NAV3: variants seen among roughly 807,000 people sequenced by gnomAD.
NAV3 encodes the protein neuron navigator 3.
In NAV3, 87 loss-of-function variants were observed where a neutral mutation model predicts 244.7. The ratio of observed to expected loss-of-function variants is 0.36; its 90% CI spans 0.30 to 0.42. The LOEUF (loss-of-function observed/expected upper bound fraction) is 0.42. Ranked by LOEUF, NAV3 falls within the 20% of genes least tolerant of loss-of-function variation. The pLI is 1.00. For missense variants in NAV3, 2,663 were observed against 2,893.3 expected (o/e 0.92, Z 1.83); for synonymous variants, 1,126 against 1,042.2 (o/e 1.08, Z -1.55).
chr12:78,196,301 C>T (rs1223870531), intron 34 of NAV3, among the ~76,000 whole-genome samples: 1 of 151,924 alleles, frequency 6.6e-6, no homozygotes, highest in Non-Finnish European at 1.5e-5. Context: ...GCCTCAAAAT[C>T]CTGGCCCGTT....
intron 1 of NAV3, among the ~76,000 whole-genome samples, chr12:77,926,889 T>G (rs900426420): frequency 2.0e-5 from 3 of 152,234 alleles, no homozygotes; most frequent in African/African-American, 7.2e-5. Flanking sequence ...GGAGAAATGC[T>G]CAGGTCAGAA....
At chr12:77,652,777 A>T (rs1045479833) in intron 2 of NAV3, among the ~76,000 whole-genome samples, 3 of 152,150 alleles carry the variant, frequency 2.0e-5, no homozygotes, top group African/African-American at 7.2e-5. Context: ...GTTCAAGATA[A>T]CTCCCATACT....
intron 22 of NAV3, among the ~76,000 whole-genome samples, chr12:78,157,225 T>C (rs879530774): frequency 2.6e-5 from 4 of 151,990 alleles, no homozygotes; most frequent in Non-Finnish European, 5.9e-5. Context: ...TGTTCACTTT[T>C]ATATATGTGT....
intron 8 of NAV3, among the ~76,000 whole-genome samples, chr12:78,010,226 T>TTATAGCTTTTAC (rs1875023338): frequency 6.6e-6 from 1 of 152,192 alleles, no homozygotes; most frequent in African/African-American, 2.4e-5. Flanking sequence ...AAAAGCTTGT[T>TTATAGCTTTTAC]TATAGAGTCA....
intron 2 of NAV3, among the ~76,000 whole-genome samples, chr12:77,670,094 G>C: frequency 6.6e-6 from 1 of 151,886 alleles, no homozygotes; most frequent in Admixed American, 6.6e-5. Context: ...TAAGCTCAAT[G>C]GGAAACAAAA....
At chr12:77,632,680 T>G (rs532382094) in intron 2 of NAV3, among the ~76,000 whole-genome samples, 2 of 152,346 alleles carry the variant, frequency 1.3e-5, no homozygotes, top group Admixed American at 1.3e-4. Flanking sequence ...CTATCTTTAC[T>G]GGGTAAGTCA....
chr12:78,156,153 A>G (rs886509389), intron 22 of NAV3, among the ~76,000 whole-genome samples: 2 of 152,074 alleles, frequency 1.3e-5, no homozygotes, highest in African/African-American at 4.8e-5. Context: ...TCTTTAATCC[A>G]TCTTGGGTTA....
chr12:77,973,439 T>C (rs1020823137), intron 5 of NAV3, among the ~76,000 whole-genome samples: 2 of 152,154 alleles, frequency 1.3e-5, no homozygotes, highest in African/African-American at 4.8e-5. Flanking sequence ...CTTTTGATTT[T>C]ATGGGAGCAA....
chr12:77,883,770 G>A (rs1302666908), intron 1 of NAV3, among the ~76,000 whole-genome samples: 1 of 151,978 alleles, frequency 6.6e-6, no homozygotes, highest in Non-Finnish European at 1.5e-5. Flanking sequence ...GTTCCATTGG[G>A]TTTTTGCTAT....
intron 1 of NAV3, among the ~76,000 whole-genome samples, chr12:77,861,285 C>T (rs1179077136): frequency 6.6e-6 from 1 of 151,784 alleles, no homozygotes; most frequent in African/African-American, 2.4e-5. Context: ...ACATGACCCT[C>T]TCTTGCTTAG....
intron 34 of NAV3, among the ~76,000 whole-genome samples, chr12:78,190,441 T>C (rs1411400747): frequency 1.3e-5 from 2 of 152,004 alleles, no homozygotes; most frequent in East Asian, 1.9e-4. Flanking sequence ...CCCTAAGATA[T>C]TGGGAATATA....
At chr12:78,027,564 T>C (rs1056201200) in intron 9 of NAV3, among the ~76,000 whole-genome samples, 2 of 152,206 alleles carry the variant, frequency 1.3e-5, no homozygotes, top group Non-Finnish European at 2.9e-5. Flanking sequence ...TGTGGTGACA[T>C]AATGCCACTA....
intron 2 of NAV3, among the ~76,000 whole-genome samples, chr12:77,789,278 C>T (rs1442780978): frequency 6.9e-6 from 1 of 145,508 alleles, no homozygotes; most frequent in Non-Finnish European, 1.5e-5. Context: ...GCTGCCTCCT[C>T]CCTGCATCAC....
intron 1 of NAV3, among the ~76,000 whole-genome samples, chr12:77,859,761 A>G: frequency 7.1e-6 from 1 of 140,784 alleles, no homozygotes; most frequent in Admixed American, 6.9e-5. Flanking sequence ...TCAAATGCAA[A>G]AAAAAAAAAA....
intron 13 of NAV3, 130 bp downstream of exon 13, chr12:78,117,034 A>C: frequency 9.4e-7 from 1 of 1,064,658 alleles, no homozygotes. Flanking sequence ...ATGCAGAGAT[A>C]ATAAGGACTC....
At chr12:77,901,337 T>C (rs747738745) in intron 1 of NAV3, among the ~76,000 whole-genome samples, 10 of 152,206 alleles carry the variant, frequency 6.6e-5, no homozygotes, top group Admixed American at 1.3e-4. Flanking sequence ...AATTTTCTTC[T>C]AGGATTCTTA....
At chr12:77,789,902 G>A (rs773084507) in intron 2 of NAV3, among the ~76,000 whole-genome samples, 1 of 150,342 alleles carries the variant, frequency 6.7e-6, no homozygotes, top group Non-Finnish European at 1.5e-5. Flanking sequence ...GAGAGCTTAC[G>A]AATTTGTGTT....
At chr12:78,115,911 T>A (rs1333690676) in intron 12 of NAV3, among the ~76,000 whole-genome samples, 1 of 152,212 alleles carries the variant, frequency 6.6e-6, no homozygotes, top group African/African-American at 2.4e-5. Flanking sequence ...CATGTCCCTG[T>A]CATTAATACA....
chr12:77,638,898 C>T (rs1470621442), intron 2 of NAV3, among the ~76,000 whole-genome samples: 1 of 152,142 alleles, frequency 6.6e-6, no homozygotes, highest in Non-Finnish European at 1.5e-5. Flanking sequence ...AATGTTTAAA[C>T]ATTCTGTAGG....
Sources: gnomAD v4.1 joint callset for allele counts (sites outside exome capture counted in the v4.1 genomes callset) on GRCh38, gnomAD v4.1.1 for gene constraint, MANE v1.5 for transcripts, NCBI Gene and HGNC (gene_info 2026-07-23, HGNC 2026-07-21) for gene names.